CIMAP2: variants seen among roughly 807,000 people sequenced by gnomAD.
CIMAP2 encodes ciliary microtubule associated protein 2.
chr1:54,819,267 T>C, the CIMAP2 span, among the ~76,000 whole-genome samples: 3 of 152,194 alleles, frequency 2.0e-5, no homozygotes, highest in East Asian at 3.9e-4. Context: ...TCTCTTCTCA[T>C]TGTGGGACCT....
chr1:54,808,217 G>A, the CIMAP2 span, among the ~76,000 whole-genome samples: 9 of 152,190 alleles, frequency 5.9e-5, no homozygotes, highest in Non-Finnish European at 1.3e-4. Flanking sequence ...ATGTCCTAGT[G>A]GTAGAAATAG....
At chr1:54,811,773 G>GGGGGGGGGCGGGCCCCCCCCCCCC in the CIMAP2 span, 1 of 1,325,052 alleles carries the variant, frequency 7.5e-7, no homozygotes, top group Non-Finnish European at 1.0e-6. Flanking sequence ...CAGCCTCCAT[G>GGGGGGGGGCGGGCCCCCCCCCCCC]CCCCCACCCC....
the CIMAP2 span, chr1:54,814,065 G>A: frequency 2.1e-6 from 3 of 1,414,590 alleles, no homozygotes; most frequent in South Asian, 3.0e-5. Flanking sequence ...AATTTCATAG[G>A]GAATAGCTCA....
the CIMAP2 span, among the ~76,000 whole-genome samples, chr1:54,838,935 T>TC: frequency 2.6e-5 from 4 of 151,924 alleles, no homozygotes; most frequent in African/African-American, 9.7e-5. Context: ...GGGCAGGGAT[T>TC]GGGGGGAGTA....
the CIMAP2 span, among the ~76,000 whole-genome samples, chr1:54,822,118 T>C: frequency 8.9e-4 from 126 of 141,480 alleles, 10 homozygotes; most frequent in African/African-American, 2.9e-3. Context: ...CGGGATGGTC[T>C]CGATCTTCTG....
At chr1:54,813,656 G>A in the CIMAP2 span, among the ~76,000 whole-genome samples, 2 of 93,074 alleles carry the variant, frequency 2.1e-5, no homozygotes, top group Admixed American at 2.4e-4. Context: ...CCTTGTCAGG[G>A]GGGCCTTGAG....
the CIMAP2 span, chr1:54,841,679 T>C: frequency 5.3e-4 from 844 of 1,606,272 alleles, 4 homozygotes; most frequent in South Asian, 4.3e-3. Context: ...CAATGTAGGA[T>C]CTCCTGTGAA....
the CIMAP2 span, among the ~76,000 whole-genome samples, chr1:54,837,159 C>T: frequency 0.014 from 2,060 of 152,064 alleles, 22 homozygotes; most frequent in Non-Finnish European, 0.022. Flanking sequence ...GTTTATAAGC[C>T]ATGTGCTATT....
chr1:54,817,222 C>T, the CIMAP2 span: 33 of 1,478,068 alleles, frequency 2.2e-5, no homozygotes, highest in South Asian at 3.9e-4. Flanking sequence ...CATGGGAACA[C>T]AGCTTCTGCC....
the CIMAP2 span, among the ~76,000 whole-genome samples, chr1:54,825,818 A>G: frequency 6.6e-6 from 1 of 151,916 alleles, no homozygotes; most frequent in Admixed American, 6.6e-5. Flanking sequence ...TGAGTAGTGC[A>G]TGTGGGTGCC....
the CIMAP2 span, among the ~76,000 whole-genome samples, chr1:54,826,712 G>T: frequency 6.6e-6 from 1 of 152,240 alleles, no homozygotes; most frequent in Non-Finnish European, 1.5e-5. Context: ...GAACACAGGG[G>T]ATCTCTTGCT....
At chr1:54,817,221 A>G in the CIMAP2 span, 1 of 1,488,476 alleles carries the variant, frequency 6.7e-7, no homozygotes, top group Admixed American at 1.8e-5. Flanking sequence ...CCATGGGAAC[A>G]CAGCTTCTGC....
the CIMAP2 span, chr1:54,811,765 G>GCCGGGGAGGGCCCCCCCCC: frequency 7.7e-7 from 1 of 1,301,332 alleles, no homozygotes; most frequent in Non-Finnish European, 1.1e-6. Context: ...GGTTCTGACA[G>GCCGGGGAGGGCCCCCCCCC]CCTCCATGCC....
At chr1:54,812,053 G>C in the CIMAP2 span, 3 of 1,614,050 alleles carry the variant, frequency 1.9e-6, no homozygotes, top group Non-Finnish European at 2.5e-6. Context: ...TAGGGGAGTG[G>C]TCTGGGACCC....
the CIMAP2 span, among the ~76,000 whole-genome samples, chr1:54,827,505 C>T: frequency 2.6e-5 from 4 of 152,144 alleles, no homozygotes; most frequent in African/African-American, 9.7e-5. Context: ...TTAACACATC[C>T]AACACTCAGG....
the CIMAP2 span, among the ~76,000 whole-genome samples, chr1:54,812,950 A>G: frequency 6.6e-6 from 1 of 152,184 alleles, no homozygotes; most frequent in African/African-American, 2.4e-5. Context: ...TGGTTAACGT[A>G]GAAGGACCTC....
the CIMAP2 span, among the ~76,000 whole-genome samples, chr1:54,835,971 C>A: frequency 6.6e-6 from 1 of 152,084 alleles, no homozygotes; most frequent in East Asian, 1.9e-4. Context: ...CCTTACCCCA[C>A]CTGACCTTAT....
chr1:54,811,765 G>GCCGGGGGGGGGCCGCCCCC, the CIMAP2 span: 1 of 1,301,330 alleles, frequency 7.7e-7, no homozygotes. Flanking sequence ...GGTTCTGACA[G>GCCGGGGGGGGGCCGCCCCC]CCTCCATGCC....
the CIMAP2 span, among the ~76,000 whole-genome samples, chr1:54,826,224 C>G: frequency 6.6e-6 from 1 of 152,142 alleles, no homozygotes; most frequent in South Asian, 2.1e-4. Flanking sequence ...GGTAGTGTTG[C>G]TGTTAGTGGC....
Sources: allele counts gnomAD v4.1 joint callset (sites outside exome capture counted in the v4.1 genomes callset), GRCh38; gene constraint gnomAD v4.1.1; transcripts MANE v1.5; gene names NCBI Gene and HGNC (gene_info 2026-07-23, HGNC 2026-07-21).